Variants in WNT10A observed in about 807,000 individuals in gnomAD.
WNT10A encodes the protein protein Wnt-10a.
Under a neutral mutation model 36.1 loss-of-function variants are expected in WNT10A, and 37 were observed. The ratio of observed to expected loss-of-function variants is 1.02; its 90% confidence interval spans 0.79 to 1.35. WNT10A has a LOEUF of 1.35. Among genes scored for constraint, WNT10A ranks in the 40% most tolerant of loss-of-function variants. The pLI is 0.00. For missense variants in WNT10A, 613 were observed against 601.4 expected (o/e 1.02, Z -0.20); for synonymous variants, 255 against 254.1 (o/e 1.00, Z -0.03).
upstream of WNT10A, among the ~76,000 whole-genome samples, chr2:218,878,505 G>A (rs1944473097): frequency 1.3e-5 from 2 of 152,102 alleles, no homozygotes; most frequent in African/African-American, 2.4e-5. This position sits in a 1 kb window ranked among gnomAD's most constrained non-coding sequence, Gnocchi z 4.1. Flanking sequence ...AGATGCCAAA[G>A]GAAACTAAAT....
At chr2:218,890,669 A>G (rs762631363) in intron 3 of WNT10A, among the ~76,000 whole-genome samples, 1 of 152,152 alleles carries the variant, frequency 6.6e-6, no homozygotes, top group Non-Finnish European at 1.5e-5. Context: ...GGGTGCAGTC[A>G]GGACTTCAGG....
chr2:218,886,089 C>G (rs1053351896), intron 2 of WNT10A, among the ~76,000 whole-genome samples: 3 of 152,068 alleles, frequency 2.0e-5, no homozygotes, highest in Non-Finnish European at 4.4e-5. Flanking sequence ...AAGTTTGCAC[C>G]CAATCCCCTT....
At chr2:218,892,651 G>A in intron 3 of WNT10A, 123 bp from the exon 4 acceptor site, 1 of 1,455,548 alleles carries the variant, frequency 6.9e-7, no homozygotes, top group Non-Finnish European at 9.2e-7. Flanking sequence ...TGGGACCCTC[G>A]CTCCCGGCCT....
upstream of WNT10A, among the ~76,000 whole-genome samples, chr2:218,876,629 G>C (rs1212186432): frequency 1.3e-5 from 2 of 152,194 alleles, no homozygotes; most frequent in Non-Finnish European, 2.9e-5. Context: ...TACCAAAGGA[G>C]ACAGTGGAAA....
chr2:218,893,001 C>T lies in WNT10A; in HGVS notation c.984C>T (p.Arg328=). 1 of 1,546,046 alleles carries T rather than the reference C, an allele frequency of 6.5e-7. No individual in the cohort carries two copies. Among genetic ancestry groups the T allele is most frequent in the East Asian group, 2.5e-5 (1 of 39,414 alleles). The change falls in exon 4 of 4, where the codon CGC becomes CGT. Residue 328 remains arginine, a synonymous_variant. Coordinates refer to ENST00000258411, the MANE Select transcript of WNT10A (RefSeq NM_025216.3). The surrounding 1 kb of genome is among the most constrained non-coding windows in gnomAD (Gnocchi z 6.3). ...CGGCTCCGGGCGCTCCCGGGCCGCGCCGACGGGCCAGCCCCGCCGACCTGG... is the reference window on the plus strand; with the variant it reads ...CGGCTCCGGGCGCTCCCGGGCCGCGTCGACGGGCCAGCCCCGCCGACCTGG... The part of the protein sequence containing the change: ...PSPAPGAPGP[R]RRASPADLVY...
chr2:218,887,993 G>A (rs964285751), intron 2 of WNT10A, among the ~76,000 whole-genome samples: 1 of 152,238 alleles, frequency 6.6e-6, no homozygotes, highest in African/African-American at 2.4e-5. Flanking sequence ...AAGATTTGAA[G>A]TAAACTGGTT....
At chr2:218,889,959 A>G (rs1005498223) in intron 2 of WNT10A, 25 bp from the exon 3 acceptor site, 3 of 1,611,724 alleles carry the variant, frequency 1.9e-6, no homozygotes, top group Non-Finnish European at 2.5e-6. Context: ...TCCAGAGTCC[A>G]TGTGTTCTGG....
In WNT10A at chr2:218,890,236, A is replaced by G; in HGVS notation, c.629A>G (p.Glu210Gly). The G allele has an allele frequency of 6.2e-7, 1 of 1,613,782 alleles. No individual in the cohort carries two copies. Among genetic ancestry groups the G allele is most frequent in the Middle Eastern group, 1.6e-4 (1 of 6,062 alleles). ...TASPGLQDSW[E>G]WGGCSPDMGF... ...AGCCCAGGCCTGCAGGACTCCTGGG[A>G]GTGGGGCGGCTGCAGCCCCGACATG... The change falls in exon 3 of 4, where the codon GAG becomes GGG. Residue 210 changes from glutamate to glycine, a missense_variant. By Grantham distance (98) the Glu-to-Gly change is moderately conservative (BLOSUM62 -2). Coordinates refer to ENST00000258411, the MANE Select transcript of WNT10A (RefSeq NM_025216.3).
At position 218,881,026 on chromosome 2, in the gene WNT10A, C is replaced by T; in HGVS notation, c.31C>T (p.Arg11Trp). 4 of 1,597,740 alleles carry T rather than the reference C, an allele frequency of 2.5e-6. No individual in the cohort carries two copies. The highest frequency in any genetic ancestry group is 3.4e-6 in the Non-Finnish European group (4 of 1,172,362). ...CAGCGCCCACCCTCGCCCCTGGCTG[C>T]GGCTCCGACCCCAGCCCCAGCCGCG... MGSAHPRPWL[R>W]LRPQPQPRPA... Residue 11 changes from arginine (R) to tryptophan (W), a missense_variant, in exon 1 of 4, where the codon CGG becomes TGG. Arg to Trp is a moderately radical substitution (Grantham distance 101). Coordinates refer to ENST00000258411, the MANE Select transcript of WNT10A (RefSeq NM_025216.3).
intron 3 of WNT10A, 77 bp downstream of exon 3, chr2:218,890,440 T>C: frequency 6.3e-7 from 1 of 1,589,790 alleles, no homozygotes; most frequent in South Asian, 1.1e-5. Flanking sequence ...ACCTCTCTTC[T>C]GAGGACCACG....
chr2:218,887,786 G>A (rs1484105917), intron 2 of WNT10A, among the ~76,000 whole-genome samples: 1 of 152,198 alleles, frequency 6.6e-6, no homozygotes, highest in Non-Finnish European at 1.5e-5. Context: ...CTCAATAATA[G>A]CTAATGTTTG....
intron 2 of WNT10A, among the ~76,000 whole-genome samples, chr2:218,885,617 A>T (rs1478153096): frequency 1.3e-5 from 2 of 152,198 alleles, no homozygotes; most frequent in Non-Finnish European, 2.9e-5. Flanking sequence ...TCTGGAATAG[A>T]TGGAAAGAGA....
upstream of WNT10A, among the ~76,000 whole-genome samples, chr2:218,876,864 G>C (rs1449446257): frequency 1.4e-5 from 2 of 144,154 alleles, no homozygotes; most frequent in Non-Finnish European, 2.9e-5. Context: ...GGACATCTGG[G>C]AAACTCAGAG....
upstream of WNT10A, among the ~76,000 whole-genome samples, chr2:218,877,120 A>G (rs1359156848): frequency 6.6e-6 from 1 of 152,196 alleles, no homozygotes; most frequent in Non-Finnish European, 1.5e-5. This position sits in a 1 kb window ranked among gnomAD's most constrained non-coding sequence, Gnocchi z 4.1. Context: ...AACTGGCACC[A>G]TTCTAGGCAG....
chr2:218,883,653 C>G (rs1477213083), intron 2 of WNT10A, among the ~76,000 whole-genome samples: 1 of 151,432 alleles, frequency 6.6e-6, no homozygotes, highest in African/African-American at 2.4e-5. Context: ...GCGAACTAAT[C>G]CCCGCGGGCC....
At position 218,880,875 on chromosome 2, in the gene WNT10A, GAGTC is replaced by G; in HGVS notation, c.-120_-117del. 7.9e-7 allele frequency: 1 copy of G among 1,259,530 alleles called. No homozygotes were observed. Among genetic ancestry groups the G allele is most frequent in the Non-Finnish European group, 1.0e-6 (1 of 953,132 alleles). The allele number at this position is 1,259,530 out of a possible 1,614,324, so 78.0% of individuals were successfully genotyped here. A position where few individuals can be genotyped will look rare whatever the true frequency, so the allele number is the denominator to read the frequency against. ...CCGTCTGCTCCGGGAGCCCTGACCC[GAGTC>G]GGAGCTGTGTGTCGCAGCCGCCCCG... On this transcript the variant is annotated 5_prime_UTR_variant, in exon 1 of 4. Coordinates refer to ENST00000258411, the MANE Select transcript of WNT10A (RefSeq NM_025216.3). The surrounding 1 kb of genome is among the most constrained non-coding windows in gnomAD (Gnocchi z 7.7).
Position 218,881,184 on chromosome 2 carries a change from G to A in WNT10A, c.113+76G>A, listed in dbSNP as rs542274144. 2.7e-3 allele frequency: 4,132 copies of A among 1,543,224 alleles called. 63 individuals carry two copies. In the South Asian group the frequency reaches 0.029, roughly 11 times the overall value. ...TGCAGGGGCCTCTGATGCTCTTGCT[G>A]GGGTAGAGGACCCTGGAAGAAGGGA... On this transcript the variant is annotated intron_variant, in intron 1 of 3. Coordinates refer to ENST00000258411, the MANE Select transcript of WNT10A (RefSeq NM_025216.3).
chr2:218,884,819 G>C (rs1306192369), intron 2 of WNT10A, among the ~76,000 whole-genome samples: 2 of 152,204 alleles, frequency 1.3e-5, no homozygotes, highest in Non-Finnish European at 2.9e-5. Flanking sequence ...TGTCCATTGT[G>C]TGGGGTCAGG....
intron 3 of WNT10A, among the ~76,000 whole-genome samples, chr2:218,890,865 C>CT (rs1944642932): frequency 6.6e-6 from 1 of 152,182 alleles, no homozygotes. Flanking sequence ...CTAGGGGCCA[C>CT]TGGGGAACTG....
Sources: gnomAD v4.1 joint callset for allele counts (sites outside exome capture counted in the v4.1 genomes callset) on GRCh38, gnomAD v4.1.1 for gene constraint, Gnocchi (gnomAD v3.1) non-coding constraint, MANE v1.5 for transcripts, NCBI Gene and HGNC (gene_info 2026-07-23, HGNC 2026-07-21) for gene names.